NOX1: variants seen among roughly 807,000 people sequenced by gnomAD.
NOX1 encodes NADH/NADPH mitogenic oxidase subunit P65-MOX.
NOX1 carries 34 observed loss-of-function variants against 42.5 expected under a neutral mutation model. The ratio of observed to expected loss-of-function variants is 0.80; its 90% confidence interval spans 0.61 to 1.07. The LOEUF (loss-of-function observed/expected upper bound fraction) is 1.07, where lower values mean the gene tolerates loss of function less well. NOX1 is among the 50% of genes least tolerant of loss of function. NOX1 has a pLI of 0.00. For synonymous variants in NOX1, 143 were observed against 152.5 expected, an observed-to-expected ratio of 0.94 and a Z score of 0.46; for missense variants, 408 against 427.0, an observed-to-expected ratio of 0.96 and a Z score of 0.39.
At chrX:100,853,972 G>T (rs548048094) in intron 7 of NOX1, among the ~76,000 whole-genome samples, 1 of 111,812 alleles carries the variant, frequency 8.9e-6, no homozygotes, top group African/African-American at 3.2e-5. Flanking sequence ...GCAAAACCCC[G>T]TCTCTACTAA....
intron 7 of NOX1, chrX:100,855,860 A>G (rs1297957687): frequency 8.6e-7 from 1 of 1,163,344 alleles, no homozygotes; most frequent in African/African-American, 1.8e-5. Context: ...TCCTAACTTC[A>G]CAGTTGTGGC....
intron 12 of NOX1, 27 bp downstream of exon 12, chrX:100,848,603 C>T (rs1236198219): frequency 5.8e-6 from 7 of 1,199,661 alleles, no homozygotes; most frequent in African/African-American, 1.8e-5. Flanking sequence ...CCTGTAAACT[C>T]ATCTTACTAG....
At chrX:100,867,857 AAGAG>A (rs1333643449) in intron 2 of NOX1, among the ~76,000 whole-genome samples, 5 of 110,648 alleles carry the variant, frequency 4.5e-5, no homozygotes, top group African/African-American at 1.6e-4. Flanking sequence ...AGAGAGAAGA[AAGAG>A]AAAGAAAAGG....
At chrX:100,856,044 T>C in intron 7 of NOX1, 2 of 1,100,567 alleles carry the variant, frequency 1.8e-6, no homozygotes, top group Non-Finnish European at 2.5e-6. Context: ...GTGTCTTCTT[T>C]AATGCCACCA....
chrX:100,853,200 A>G (rs901332056), intron 7 of NOX1, among the ~76,000 whole-genome samples: 10 of 110,044 alleles, frequency 9.1e-5, no homozygotes, highest in South Asian at 3.9e-4. Context: ...TATATACCAT[A>G]CACATATTTT....
intron 3 of NOX1, 112 bp from the exon 4 acceptor site, chrX:100,863,355 C>G: frequency 1.1e-6 from 1 of 935,534 alleles, no homozygotes; most frequent in Non-Finnish European, 1.5e-6. Flanking sequence ...CCGCACTAAC[C>G]CACCCCCTTA....
intron 12 of NOX1, among the ~76,000 whole-genome samples, chrX:100,845,312 T>C (rs986011039): frequency 1.4e-4 from 16 of 111,952 alleles, no homozygotes; most frequent in Non-Finnish European, 2.6e-4. Context: ...AATCATACAA[T>C]ACATGGCCTT....
intron 7 of NOX1, among the ~76,000 whole-genome samples, chrX:100,856,531 A>C (rs779779736): frequency 1.8e-5 from 2 of 111,888 alleles, no homozygotes; most frequent in Non-Finnish European, 3.8e-5. Context: ...CTGACTTTAG[A>C]AATGAAATGT....
At chrX:100,872,203 G>T (rs1284292048) in intron 1 of NOX1, among the ~76,000 whole-genome samples, 7 of 111,956 alleles carry the variant, frequency 6.3e-5, no homozygotes, top group African/African-American at 2.3e-4. Context: ...CCAGAGAAAC[G>T]TCTTTGAAAG....
Position 100,844,723 on chromosome X carries a change from A to G in NOX1, c.1569-645T>C, listed in dbSNP as rs761481490. Among the ~76,000 whole-genome samples the G allele has an allele frequency of 5.3e-5, 6 of 112,432 alleles. No homozygotes were observed. The East Asian group carries it at 1.4e-3, about 26-fold the overall frequency. ...GCTGGGATTACAGGCGTGAGCCACA[A>G]TGTCCGACAAGGGAAAATTTCTTAA... On this transcript the variant is annotated intron_variant, in intron 12 of 12. Coordinates refer to ENST00000372966, the MANE Select transcript of NOX1 (RefSeq NM_007052.5).
intron 12 of NOX1, among the ~76,000 whole-genome samples, chrX:100,845,944 C>T (rs1187387490): frequency 1.8e-5 from 2 of 110,411 alleles, no homozygotes; most frequent in South Asian, 7.8e-4. Context: ...CCACCGCACC[C>T]GGCTAATTTT....
In NOX1 at chrX:100,863,509, C is replaced by T. The variant is rs371405957; in HGVS notation, c.228G>A (p.Leu76=). Residue 76 remains leucine (L), a synonymous_variant, in exon 3 of 13, where the codon CTG becomes CTA. Transcript: ENST00000372966. ...LILLPVCRNL[L]SFLRGTCSFC... ...CTGAGCAGGTGCCCCTCAGGAAGGA[C>T]AGCAGATTGCGACACACAGGAAGCA... is the stretch of plus-strand genomic sequence containing the variant. 3.7e-5 allele frequency: 45 copies of T among 1,208,527 alleles called. No individual in the cohort carries two copies. The highest frequency in any genetic ancestry group is 4.7e-5 in the Non-Finnish European group (42 of 895,012).
chrX:100,861,405 A>C (rs2085202720), intron 7 of NOX1, among the ~76,000 whole-genome samples: 1 of 111,710 alleles, frequency 9.0e-6, no homozygotes, highest in Admixed American at 9.6e-5. Flanking sequence ...GACCTTAATC[A>C]TTCTCAGAAT....
rs888877867 is a variant in NOX1, at chrX:100,844,090, G to T, written c.1569-12C>A. 4 of 1,165,333 alleles carry T rather than the reference G, an allele frequency of 3.4e-6. No individual in the cohort carries two copies. In the African/African-American group the frequency reaches 7.2e-5, roughly 21 times the overall value. Reference sequence around the variant, plus strand: ...CTCCCACTACAGACCTGTAGGAACAGAACAATAGTAAGGGCTAGAATGCAG... The same window carrying T: ...CTCCCACTACAGACCTGTAGGAACATAACAATAGTAAGGGCTAGAATGCAG... On this transcript the variant is annotated splice_polypyrimidine_tract_variant and intron_variant, in intron 12 of 12. Transcript: ENST00000372966.
rs200863560 is a variant in NOX1, at chrX:100,863,255, G to A, written c.253-12C>T. On this transcript the variant is annotated splice_polypyrimidine_tract_variant and intron_variant, in intron 3 of 12. Transcript: ENST00000372966. ...GTGCGGCTGCAAAACTACAAATGTA[G>A]AATGATCATGGTCAGATGTCGCCAG... The A allele has an allele frequency of 8.0e-5, 93 of 1,159,982 alleles. 4 individuals are homozygous for A. The highest frequency in any genetic ancestry group is 7.3e-4 in the African/African-American group (41 of 56,182).
At chrX:100,849,232 C>A in intron 11 of NOX1, 48 bp downstream of exon 11, 1 of 1,176,512 alleles carries the variant, frequency 8.5e-7, no homozygotes, top group Non-Finnish European at 1.2e-6. Context: ...CTTTGTCTGA[C>A]ATTCGTCTTA....
chrX:100,871,680 G>C (rs1053877260), intron 1 of NOX1, among the ~76,000 whole-genome samples: 2 of 111,821 alleles, frequency 1.8e-5, no homozygotes, highest in African/African-American at 6.5e-5. Flanking sequence ...CCAACCAACT[G>C]GTCTCTAGCC....
chrX:100,872,498 T>C (rs777068104), intron 1 of NOX1, among the ~76,000 whole-genome samples: 1 of 111,663 alleles, frequency 9.0e-6, no homozygotes, highest in Non-Finnish European at 1.9e-5. Context: ...TTTAAGTAAT[T>C]TATTTTTTAT....
intron 12 of NOX1, among the ~76,000 whole-genome samples, chrX:100,847,015 C>T (rs1163177479): frequency 1.8e-5 from 2 of 111,697 alleles, no homozygotes; most frequent in Non-Finnish European, 3.8e-5. Context: ...TGGCGAAACC[C>T]CATCTCTACT....
Sources: allele counts gnomAD v4.1 joint callset (sites outside exome capture counted in the v4.1 genomes callset), GRCh38; gene constraint gnomAD v4.1.1; transcripts MANE v1.5; gene names NCBI Gene and HGNC (gene_info 2026-07-23, HGNC 2026-07-21).